The following CEP89 variants were observed in gnomAD, a reference collection of about 807,000 sequenced individuals.
CEP89 encodes centrosomal protein 89.
In CEP89, 95 loss-of-function variants were observed where a neutral mutation model predicts 97.6. The ratio of observed to expected loss-of-function variants is 0.97; its 90% CI spans 0.82 to 1.15. The LOEUF (loss-of-function observed/expected upper bound fraction) is 1.15. Among genes scored for constraint, CEP89 ranks in the 50% most tolerant of loss-of-function variants. The pLI is 0.00. For missense variants in CEP89, 869 were observed against 947.7 expected, an observed-to-expected ratio of 0.92 and a Z score of 1.09; for synonymous variants, 354 against 349.1, an observed-to-expected ratio of 1.01 and a Z score of -0.16.
chr19:32,897,085 A>C (rs1969659290), intron 16 of CEP89, among the ~76,000 whole-genome samples: 1 of 152,210 alleles, frequency 6.6e-6, no homozygotes, highest in African/African-American at 2.4e-5. Context: ...GAGTTTATTC[A>C]AGCACAAAGT....
intron 5 of CEP89, among the ~76,000 whole-genome samples, chr19:32,945,460 C>T (rs1442483720): frequency 6.6e-6 from 1 of 152,146 alleles, no homozygotes; most frequent in Non-Finnish European, 1.5e-5. Flanking sequence ...GCCAGGTGCA[C>T]GTTCCCAAGT....
chr19:32,931,553 A>G lies in CEP89; in HGVS notation c.905T>C (p.Leu302Pro), dbSNP rs1371088309. The G allele has an allele frequency of 1.9e-6, 3 of 1,584,984 alleles. No individual in the cohort carries two copies. The African/African-American group carries it at 4.1e-5, about 22-fold the overall frequency. Residue 302 changes from leucine to proline, a missense_variant, in exon 9 of 19, where the codon CTT (leucine) becomes CCT (proline). Transcript: ENST00000305768. ...TTCTTGAGCTTGTTTTCGCAGATAAAGTAATTCAGGTGCAGCAACTAGGGA... is the reference window on the plus strand; with the variant it reads ...TTCTTGAGCTTGTTTTCGCAGATAAGGTAATTCAGGTGCAGCAACTAGGGA... ...SSQEVAAPEL[L>P]YLRKQAQELV...
intron 6 of CEP89, among the ~76,000 whole-genome samples, chr19:32,939,394 AGGCC>A (rs1970639816): frequency 6.6e-6 from 1 of 152,158 alleles, no homozygotes; most frequent in Admixed American, 6.6e-5. Flanking sequence ...AAAGTATTTA[AGGCC>A]AGGCACAGTG....
intron 2 of CEP89, among the ~76,000 whole-genome samples, chr19:32,965,310 AG>A (rs1401976325): frequency 1.8e-4 from 27 of 152,280 alleles, no homozygotes; most frequent in Admixed American, 1.4e-3. Flanking sequence ...CTGAGACAGG[AG>A]GATCGCTTGA....
intron 17 of CEP89, 67 bp from the exon 18 acceptor site, chr19:32,882,080 C>G: frequency 1.5e-6 from 2 of 1,372,740 alleles, no homozygotes; most frequent in Admixed American, 4.0e-5. Flanking sequence ...TGCCTCCTGG[C>G]TGTGCTCCCT....
intron 5 of CEP89, among the ~76,000 whole-genome samples, chr19:32,946,859 G>C (rs1374025395): frequency 6.6e-6 from 1 of 152,088 alleles, no homozygotes; most frequent in Non-Finnish European, 1.5e-5. Context: ...TCTTTTTCTT[G>C]ATAAGTTACC....
chr19:32,948,733 C>T (rs148263826), intron 4 of CEP89, among the ~76,000 whole-genome samples: 57 of 152,136 alleles, frequency 3.7e-4, no homozygotes, highest in African/African-American at 1.3e-3. Context: ...TTCCCCCCAC[C>T]CCTTTTTTTT....
intron 5 of CEP89, among the ~76,000 whole-genome samples, chr19:32,943,729 CAGGA>C: frequency 6.6e-6 from 1 of 152,084 alleles, no homozygotes; most frequent in South Asian, 2.1e-4. Context: ...GGTCCAGTGG[CAGGA>C]AGGAACACCA....
At chr19:32,913,029 A>C (rs1341121559) in intron 14 of CEP89, among the ~76,000 whole-genome samples, 8 of 150,598 alleles carry the variant, frequency 5.3e-5, no homozygotes, top group Non-Finnish European at 1.0e-4. Context: ...GGCGACAGTG[A>C]GACTCCGTCT....
intron 4 of CEP89, among the ~76,000 whole-genome samples, chr19:32,949,368 G>C (rs1970864321): frequency 1.3e-5 from 2 of 152,004 alleles, no homozygotes; most frequent in Admixed American, 1.3e-4. Context: ...GGAAGAGAAA[G>C]AACAGTGAAG....
At chr19:32,939,358 G>A (rs1402097786) in intron 6 of CEP89, among the ~76,000 whole-genome samples, 2 of 152,076 alleles carry the variant, frequency 1.3e-5, no homozygotes, top group East Asian at 3.9e-4. Flanking sequence ...TTAAACTATG[G>A]AAAATATCAA....
chr19:32,914,963 A>G (rs1310466161), intron 14 of CEP89, among the ~76,000 whole-genome samples: 1 of 152,036 alleles, frequency 6.6e-6, no homozygotes, highest in African/African-American at 2.4e-5. Flanking sequence ...TGGAGGTTAC[A>G]GGTGCCGAGA....
chr19:32,929,115 C>T (rs1970418804), intron 9 of CEP89, among the ~76,000 whole-genome samples: 1 of 152,188 alleles, frequency 6.6e-6, no homozygotes, highest in Admixed American at 6.6e-5. Flanking sequence ...ATTACTCACT[C>T]ACTCTGCAAA....
At chr19:32,921,229 A>G (rs1042666332) in intron 12 of CEP89, among the ~76,000 whole-genome samples, 7 of 113,484 alleles carry the variant, frequency 6.2e-5, no homozygotes, top group Non-Finnish European at 1.4e-4. Flanking sequence ...CTCAAAAAAA[A>G]AAAGAAAGAA....
Position 32,879,143 on chromosome 19 carries a change from C to A in CEP89, c.*19G>T, listed in dbSNP as rs759191975. 2 of 1,588,514 alleles carry A rather than the reference C, an allele frequency of 1.3e-6. No individual in the cohort carries two copies. The highest frequency in any genetic ancestry group is 1.7e-6 in the Non-Finnish European group (2 of 1,165,106). ...ACCTTTCAGGCCAGAGGAGGCTACA[C>A]CACGGGCTCCCGCAGATTCTAGCAG... is the stretch of plus-strand genomic sequence containing the variant. On this transcript the variant is annotated 3_prime_UTR_variant, in exon 19 of 19. Coordinates refer to ENST00000305768, the MANE Select transcript of CEP89 (RefSeq NM_032816.5).
intron 5 of CEP89, among the ~76,000 whole-genome samples, chr19:32,942,636 A>G (rs1208216025): frequency 6.6e-6 from 1 of 152,206 alleles, no homozygotes; most frequent in African/African-American, 2.4e-5. Context: ...TTTAATGTAC[A>G]TTTAATGTAC....
At chr19:32,918,880 TTTTC>T (rs1970188099) in intron 12 of CEP89, among the ~76,000 whole-genome samples, 2 of 20,444 alleles carry the variant, frequency 9.8e-5, no homozygotes, top group African/African-American at 6.9e-4. Context: ...TTCTTTTTCT[TTTTC>T]TTTTTTTTTT....
chr19:32,953,955 G>A (rs1164757250), intron 3 of CEP89, among the ~76,000 whole-genome samples, 154 bp from the exon 4 acceptor site: 2 of 147,966 alleles, frequency 1.4e-5, no homozygotes, highest in Admixed American at 6.9e-5. Flanking sequence ...TGCAAGCTCC[G>A]CCTCGTGGGT....
intron 14 of CEP89, among the ~76,000 whole-genome samples, chr19:32,911,970 T>C (rs1159574767): frequency 6.6e-6 from 1 of 152,178 alleles, no homozygotes; most frequent in East Asian, 1.9e-4. Flanking sequence ...CTCACACCTG[T>C]AATCCCAGCA....
Sources: allele counts gnomAD v4.1 joint callset (sites outside exome capture counted in the v4.1 genomes callset), GRCh38; gene constraint gnomAD v4.1.1; transcripts MANE v1.5; gene names NCBI Gene and HGNC (gene_info 2026-07-23, HGNC 2026-07-21).